Variants in CCM2 observed in about 807,000 individuals in gnomAD.
The protein encoded by CCM2 is CCM2 scaffold protein.
CCM2 carries 25 observed loss-of-function variants against 44.9 expected under a neutral mutation model. The ratio of observed to expected loss-of-function variants is 0.56; its 90% confidence interval spans 0.41 to 0.78. CCM2 has a LOEUF of 0.78. CCM2 is among the 30% of genes least tolerant of loss of function. The pLI is 0.00. For missense variants in CCM2, 481 were observed against 580.6 expected (o/e 0.83, Z 1.76); for synonymous variants, 219 against 241.1 (o/e 0.91, Z 0.85).
At chr7:45,038,050 G>GC (rs1797309612) in intron 1 of CCM2, among the ~76,000 whole-genome samples, 1 of 152,204 alleles carries the variant, frequency 6.6e-6, no homozygotes. Flanking sequence ...TGGCAGCCCA[G>GC]CCCCACCGTG....
intron 1 of CCM2, among the ~76,000 whole-genome samples, chr7:45,005,329 T>TAA: frequency 6.6e-6 from 1 of 152,214 alleles, no homozygotes; most frequent in East Asian, 1.9e-4. Flanking sequence ...TCAGATTCTG[T>TAA]CATAATTTAG....
rs1796552045 is a variant in CCM2, at chr7:45,023,260, T to G, written c.31-14993T>G. On this transcript the variant is annotated intron_variant, in intron 1 of 9. Coordinates refer to ENST00000258781, the MANE Select transcript of CCM2 (RefSeq NM_031443.4). ...TTTTTTTAAATGTTCTAATAAAACT[T>G]TATTTACGGCTGGGTGCAGTGGCTC... 3.9e-5 allele frequency among the ~76,000 whole-genome samples: 6 copies of G among 152,024 alleles called. No homozygotes were observed. In the South Asian group the frequency reaches 1.2e-3, roughly 32 times the overall value.
intron 8 of CCM2, 159 bp from the exon 9 acceptor site, chr7:45,074,111 G>A: frequency 2.7e-6 from 4 of 1,474,364 alleles, no homozygotes; most frequent in Non-Finnish European, 1.8e-6. Context: ...CTGGTAGGAT[G>A]GGGACACATT....
intron 2 of CCM2, among the ~76,000 whole-genome samples, chr7:45,055,573 G>A (rs1171994947): frequency 6.6e-6 from 1 of 152,046 alleles, no homozygotes; most frequent in Non-Finnish European, 1.5e-5. Flanking sequence ...CCCGTAATCC[G>A]AGCTATTTGG....
chr7:45,066,786 T>C (rs1010507879), intron 4 of CCM2, among the ~76,000 whole-genome samples: 1 of 152,124 alleles, frequency 6.6e-6, no homozygotes, highest in African/African-American at 2.4e-5. Context: ...CCCTGCTTCC[T>C]TGAGAACTAC....
chr7:45,057,636 G>A (rs1446763859), intron 2 of CCM2, among the ~76,000 whole-genome samples: 1 of 152,180 alleles, frequency 6.6e-6, no homozygotes. Context: ...GGAAGAGGAT[G>A]GAAAGGCCTC....
At chr7:45,017,752 G>A (rs1484540729) in intron 1 of CCM2, among the ~76,000 whole-genome samples, 1 of 152,124 alleles carries the variant, frequency 6.6e-6, no homozygotes, top group Non-Finnish European at 1.5e-5. Flanking sequence ...ACTACAAAAG[G>A]GAGGGAATAT....
At chr7:45,013,885 A>G (rs931109976) in intron 1 of CCM2, among the ~76,000 whole-genome samples, 2 of 152,172 alleles carry the variant, frequency 1.3e-5, no homozygotes, top group African/African-American at 4.8e-5. Context: ...CAGATGATGT[A>G]TTCTTCTCAT....
At chr7:45,030,322 C>T (rs1796900617) in intron 1 of CCM2, among the ~76,000 whole-genome samples, 1 of 152,172 alleles carries the variant, frequency 6.6e-6, no homozygotes, top group African/African-American at 2.4e-5. Context: ...CTGGGCTAAT[C>T]CCACCTTTTA....
At chr7:45,007,298 A>G (rs1348064765) in intron 1 of CCM2, among the ~76,000 whole-genome samples, 1 of 152,300 alleles carries the variant, frequency 6.6e-6, no homozygotes, top group Non-Finnish European at 1.5e-5. Flanking sequence ...TGGCGGGAGC[A>G]GTGAGCCCAG....
intron 2 of CCM2, among the ~76,000 whole-genome samples, chr7:45,046,062 A>T (rs1583921800): frequency 1.3e-5 from 2 of 152,226 alleles, no homozygotes; most frequent in Non-Finnish European, 2.9e-5. Context: ...CCCTAAGTTG[A>T]TATAAATGGA....
chr7:45,063,291 C>A (rs529493861), intron 2 of CCM2: 1 of 153,530 alleles, frequency 6.5e-6, no homozygotes, highest in African/African-American at 2.4e-5. Context: ...AGGCTGGTTT[C>A]GAACTCCCAA....
chr7:45,000,754 A>G (rs561572650), intron 1 of CCM2, among the ~76,000 whole-genome samples: 1 of 152,314 alleles, frequency 6.6e-6, no homozygotes, highest in African/African-American at 2.4e-5. Context: ...GTTTTTGGAT[A>G]TCCAGTAAAA....
intron 6 of CCM2, 160 bp from the exon 7 acceptor site, chr7:45,072,566 A>G (rs1799131207): frequency 1.4e-6 from 1 of 700,700 alleles, no homozygotes; most frequent in Non-Finnish European, 2.6e-6. Flanking sequence ...CCTGAGGCAC[A>G]CAGCACATTC....
chr7:45,071,704 AG>A (rs140285520), intron 6 of CCM2: 17,255 of 454,352 alleles, frequency 0.038, 456 homozygotes, highest in South Asian at 0.048. Context: ...CAGCTCCTAA[AG>A]GCGGCTGCAT....
At chr7:45,062,078 T>C (rs942999595) in intron 2 of CCM2, among the ~76,000 whole-genome samples, 2 of 152,246 alleles carry the variant, frequency 1.3e-5, no homozygotes, top group East Asian at 1.9e-4. Context: ...TTTGGGGTTA[T>C]TGTTTTTTCA....
intron 2 of CCM2, among the ~76,000 whole-genome samples, chr7:45,039,226 CA>C (rs1346218541): frequency 6.6e-6 from 1 of 152,216 alleles, no homozygotes; most frequent in Non-Finnish European, 1.5e-5. Flanking sequence ...AAACCTGGTA[CA>C]GGGGCAGGTG....
intron 2 of CCM2, among the ~76,000 whole-genome samples, chr7:45,060,909 C>T (rs532638802): frequency 1.3e-5 from 2 of 152,288 alleles, no homozygotes; most frequent in South Asian, 4.1e-4. Flanking sequence ...CTGGTAGTTC[C>T]AAAATCTCCA....
chr7:45,074,468 T>C, intron 9 of CCM2, 60 bp downstream of exon 9: 1 of 1,437,218 alleles, frequency 7.0e-7, no homozygotes. Flanking sequence ...GGCTGATCCC[T>C]CCTGGGAATG....
Sources: allele counts gnomAD v4.1 joint callset (sites outside exome capture counted in the v4.1 genomes callset), GRCh38; gene constraint gnomAD v4.1.1; transcripts MANE v1.5; gene names NCBI Gene and HGNC (gene_info 2026-07-23, HGNC 2026-07-21).